Variants in LRRC71 observed in about 807,000 individuals in gnomAD.
The protein encoded by LRRC71 is leucine rich repeat containing 71.
In LRRC71, 54 loss-of-function variants were observed where a neutral mutation model predicts 66.6. The ratio of observed to expected loss-of-function variants is 0.81; its 90% CI spans 0.65 to 1.02. The LOEUF is 1.02. LRRC71 is among the 50% of genes least tolerant of loss of function. LRRC71 has a pLI of 0.00. For missense variants in LRRC71, 724 were observed against 718.0 expected, an observed-to-expected ratio of 1.01 and a Z score of -0.10; for synonymous variants, 323 against 303.9, an observed-to-expected ratio of 1.06 and a Z score of -0.65.
rs771144150 is a variant in LRRC71 at position 156,931,916 on chromosome 1, C to T, written c.1330C>T (p.Leu444=). The T allele has an allele frequency of 3.8e-6, 6 of 1,579,254 alleles. No individual in the cohort carries two copies. In the South Asian group the frequency reaches 7.0e-5, roughly 18 times the overall value. Residue 444 remains leucine (L), a splice_region_variant and synonymous_variant, in exon 13 of 15, where the codon CTG becomes TTG. Coordinates refer to ENST00000337428, the MANE Select transcript of LRRC71 (RefSeq NM_144702.3). ...EKRSILLESE[L]VVEATEVVNP... is the part of the protein sequence containing the mutation. ...TGCAATTAGTATTCTGCTTTAGCAG[C>T]TGGTTGTTGAGGCTACTGAGGTGGT...
At position 156,924,636 on chromosome 1, in the gene LRRC71, C is replaced by T; in HGVS notation, c.440-7C>T. 6.5e-7 allele frequency: 1 copy of T among 1,527,432 alleles called. No homozygotes were observed. Among genetic ancestry groups the T allele is most frequent in the Non-Finnish European group, 8.8e-7 (1 of 1,134,170 alleles). The allele number at this position is 1,527,432 out of a possible 1,614,324, so 94.6% of individuals were successfully genotyped here. A position where few individuals can be genotyped will look rare whatever the true frequency, so the allele number is the denominator to read the frequency against. The stretch of plus-strand genomic sequence containing the variant: ...GTCTGAGGCACCTGCCTCCTCTTGG[C>T]CCGCAGGTTGGAAGGTTGAGGAACG... On this transcript the variant is annotated splice_polypyrimidine_tract_variant and splice_region_variant and intron_variant, in intron 3 of 14. Coordinates refer to ENST00000337428, the MANE Select transcript of LRRC71 (RefSeq NM_144702.3).
downstream of LRRC71, chr1:156,933,235 G>C (rs751554214): frequency 5.7e-5 from 24 of 418,824 alleles, no homozygotes; most frequent in Non-Finnish European, 9.4e-5. Flanking sequence ...GCCTCAGTTA[G>C]CCAGGGGCAT....
intron 10 of LRRC71, 28 bp from the exon 11 acceptor site, chr1:156,929,608 T>C: frequency 6.4e-7 from 1 of 1,564,352 alleles, no homozygotes; most frequent in Middle Eastern, 1.7e-4. Flanking sequence ...AGGTGGGACT[T>C]GCCCCTCTCT....
chr1:156,921,751 A>ACT, intron 1 of LRRC71: 1 of 552,664 alleles, frequency 1.8e-6, no homozygotes, highest in Middle Eastern at 9.4e-4. Flanking sequence ...ACACACACAC[A>ACT]CACACACACA....
At position 156,927,715 on chromosome 1, in the gene LRRC71, T is replaced by A; in HGVS notation, c.823-18T>A. ...AGGGGCGGCTTGGGCGGCTCACGCG[T>A]CCCTGCCCGCCTCTTAGGGCCTCCG... On this transcript the variant is annotated intron_variant, in intron 7 of 14. Transcript: ENST00000337428. 1 of 1,606,836 alleles carries A rather than the reference T, an allele frequency of 6.2e-7. No individual in the cohort carries two copies. The highest frequency in any genetic ancestry group is 1.1e-5 in the South Asian group (1 of 90,946).
rs1654054211 is a variant in LRRC71 at position 156,930,039 on chromosome 1, TC to T, written c.1240+311del. Among the ~76,000 whole-genome samples the T allele has an allele frequency of 2.1e-5, 3 of 140,212 alleles. No homozygotes were observed. The South Asian group carries it at 6.8e-4, about 32-fold the overall frequency. 92.0% of individuals were successfully genotyped at this position (140,212 alleles called of 152,430 possible). On this transcript the variant is annotated intron_variant, in intron 11 of 14. Coordinates refer to ENST00000337428, the MANE Select transcript of LRRC71 (RefSeq NM_144702.3). ...TTTTTTCTTTTCTTTTCTTTTTCTTTCTTTCTCTTTCTTTCTTTCTTTTTCT... is the reference window on the plus strand; with the variant it reads ...TTTTTTCTTTTCTTTTCTTTTTCTTTTTTCTCTTTCTTTCTTTCTTTTTCT...
downstream of LRRC71, chr1:156,937,548 C>G (rs555963536): frequency 2.0e-4 from 302 of 1,496,136 alleles, no homozygotes; most frequent in Non-Finnish European, 2.5e-4. Context: ...GAAGTCGAAG[C>G]TATCCTCCCG....
rs764184962 is a variant in LRRC71, at chr1:156,927,205, G to C, written c.597G>C (p.Lys199Asn). The change falls in exon 6 of 15, where the codon AAG (lysine) becomes AAC (asparagine). Residue 199 changes from lysine to asparagine, a missense_variant. Lys to Asn is a moderately conservative substitution (Grantham distance 94, BLOSUM62 0). Transcript: ENST00000337428. ...LLPLCSSTLR[K>N]VSLEGNPLPE... The stretch of plus-strand genomic sequence containing the variant: ...CTCAGATCTCCCCTGCCCTCAGGAA[G>C]GTGTCTCTGGAGGGGAACCCACTGC... 4 of 1,612,442 alleles carry C rather than the reference G, an allele frequency of 2.5e-6. No individual in the cohort carries two copies. The highest frequency in any genetic ancestry group is 2.5e-6 in the Non-Finnish European group (3 of 1,179,300).
downstream of LRRC71, among the ~76,000 whole-genome samples, chr1:156,933,790 T>C (rs866898364): frequency 1.3e-5 from 2 of 152,192 alleles, no homozygotes; most frequent in Non-Finnish European, 1.5e-5. Flanking sequence ...GTGTCCAAGA[T>C]GGCGCAGATC....
downstream of LRRC71, chr1:156,935,359 C>G (rs1323476688): frequency 6.6e-6 from 1 of 152,186 alleles, no homozygotes; most frequent in East Asian, 1.9e-4. Context: ...CAGGAACACT[C>G]AGGCCTGGCT....
chr1:156,932,566 C>T (rs771968776), intron 14 of LRRC71, 21 bp downstream of exon 14: 7 of 1,613,860 alleles, frequency 4.3e-6, no homozygotes. Context: ...TTCACTCTCT[C>T]CTGCTGAAGC....
At position 156,932,890 on chromosome 1, in the gene LRRC71, T is replaced by TA. The variant is rs1557798099; in HGVS notation, c.1603dup (p.Ile535AsnfsTer19). On this transcript the variant is annotated frameshift_variant, in exon 15 of 15. Coordinates refer to ENST00000337428, the MANE Select transcript of LRRC71 (RefSeq NM_144702.3). LOFTEE classifies it high-confidence loss of function. ...GCCCCACAATGTCCTGCGTACGCCA[T>TA]AATCCAGGAGCTGATGTTGCCAAGG... 4.4e-6 allele frequency: 7 copies of TA among 1,608,704 alleles called. No individual in the cohort carries two copies. The highest frequency in any genetic ancestry group is 5.9e-6 in the Non-Finnish European group (7 of 1,177,638).
Position 156,924,081 on chromosome 1 carries a change from C to A in LRRC71, c.293C>A (p.Ser98Ter), listed in dbSNP as rs1336844489. Reference protein sequence around the residue: ...HPPFVPSASLSEKATLDDPRL... With the variant: ...HPPFVPSASL Reference sequence around the variant, plus strand: ...CCCTTCGTCCCCTCCGCCTCTTTGTCGGAAAAGGCCACCTTAGGTGAGTGA... The same window carrying A: ...CCCTTCGTCCCCTCCGCCTCTTTGTAGGAAAAGGCCACCTTAGGTGAGTGA... Residue 98 changes from serine (S) to a stop codon, truncating the protein, a stop_gained, in exon 2 of 15, where the codon TCG (serine) becomes TAG (stop). Transcript: ENST00000337428. LOFTEE classifies it high-confidence loss of function. 1 of 1,412,828 alleles carries A rather than the reference C, an allele frequency of 7.1e-7. No individual in the cohort carries two copies. 87.5% of individuals were successfully genotyped at this position (1,412,828 alleles called of 1,614,324 possible).
At chr1:156,936,485 A>AAAAAAAATAAAAAAAAAAAAAT (rs1557806597), downstream of LRRC71, among the ~76,000 whole-genome samples, 4 of 75,410 alleles carry the variant, frequency 5.3e-5, no homozygotes, top group African/African-American at 2.5e-4. Flanking sequence ...AAATAGAAAA[A>AAAAAAAATAAAAAAAAAAAAAT]AAAAAAAAAA....
At position 156,925,000 on chromosome 1, in the gene LRRC71, G is replaced by C; in HGVS notation, c.578G>C (p.Cys193Ser). 6.4e-7 allele frequency: 1 copy of C among 1,551,716 alleles called. No individual in the cohort carries two copies. The highest frequency in any genetic ancestry group is 1.2e-5 in the South Asian group (1 of 84,060). ...LTTFIELLPLCSSTLRKVSLE... is the reference protein window; with the variant it reads ...LTTFIELLPLSSSTLRKVSLE... ...ACCTTCATCGAGCTCCTGCCTCTCT[G>C]TTCATCCACGCTCAGGTCAGCAGAC... is the stretch of plus-strand genomic sequence containing the variant. Residue 193 changes from cysteine to serine, a missense_variant, in exon 5 of 15, where the codon TGT becomes TCT. Physicochemically the swap from Cys to Ser is moderately radical, Grantham distance 112. Coordinates refer to ENST00000337428, the MANE Select transcript of LRRC71 (RefSeq NM_144702.3).
chr1:156,933,672 G>C (rs927902086), downstream of LRRC71, among the ~76,000 whole-genome samples: 3 of 152,202 alleles, frequency 2.0e-5, no homozygotes, highest in African/African-American at 7.2e-5. Context: ...AGCTGAGTCA[G>C]GGTCCCCAAA....
At chr1:156,929,191 C>A in intron 9 of LRRC71, 89 bp from the exon 10 acceptor site, 1 of 1,474,436 alleles carries the variant, frequency 6.8e-7, no homozygotes, top group Non-Finnish European at 9.1e-7. Flanking sequence ...CTCGACTGCT[C>A]CCCAAGTATG....
At chr1:156,931,577 GCTTT>G (rs1269291542) in intron 12 of LRRC71, among the ~76,000 whole-genome samples, 3 of 152,136 alleles carry the variant, frequency 2.0e-5, no homozygotes, top group Non-Finnish European at 4.4e-5. Flanking sequence ...CTTTGCACCT[GCTTT>G]CTTTGCCTAG....
intron 1 of LRRC71, among the ~76,000 whole-genome samples, chr1:156,922,372 A>T (rs1025902799): frequency 6.6e-6 from 1 of 152,150 alleles, no homozygotes; most frequent in Non-Finnish European, 1.5e-5. Flanking sequence ...TGGATAGGAC[A>T]ACATGGAGGT....
Sources: allele counts gnomAD v4.1 joint callset (sites outside exome capture counted in the v4.1 genomes callset), GRCh38; gene constraint gnomAD v4.1.1; transcripts MANE v1.5; gene names NCBI Gene and HGNC (gene_info 2026-07-23, HGNC 2026-07-21).